Variants in SCNN1B observed in about 807,000 individuals in gnomAD.
SCNN1B encodes sodium channel epithelial 1 subunit beta, also known as epithelial sodium channel subunit beta.
A neutral mutation model predicts 65.3 loss-of-function variants in SCNN1B; 46 were observed. That is an observed-to-expected ratio of 0.70 (90% CI 0.56 to 0.90). The LOEUF (loss-of-function observed/expected upper bound fraction) is 0.90. Ranked by LOEUF, SCNN1B falls within the 40% of genes least tolerant of loss-of-function variation. The probability of loss-of-function intolerance (pLI) is 0.00; values close to 1 mark genes in which losing one functional copy is unlikely to be tolerated. For synonymous variants in SCNN1B, 349 were observed against 330.6 expected, an observed-to-expected ratio of 1.06 and a Z score of -0.60; for missense variants, 751 against 830.5, an observed-to-expected ratio of 0.90 and a Z score of 1.18.
intron 1 of SCNN1B, among the ~76,000 whole-genome samples, chr16:23,321,089 G>A (rs578170815): frequency 6.6e-6 from 1 of 152,256 alleles, no homozygotes; most frequent in East Asian, 1.9e-4. Flanking sequence ...CTGTCGCCCA[G>A]ACTGGAGTGC....
intron 2 of SCNN1B, among the ~76,000 whole-genome samples, chr16:23,284,208 C>T (rs564999766): frequency 6.6e-6 from 1 of 152,052 alleles, no homozygotes; most frequent in Non-Finnish European, 1.5e-5. Flanking sequence ...AGTTCAAGAC[C>T]AGCCTGGCCA....
chr16:23,301,071 A>G (rs987684128), upstream of SCNN1B, among the ~76,000 whole-genome samples: 1 of 151,904 alleles, frequency 6.6e-6, no homozygotes, highest in African/African-American at 2.4e-5. Context: ...TTAAAAGTAC[A>G]GAAGATTCCT....
intron 10 of SCNN1B, among the ~76,000 whole-genome samples, chr16:23,378,287 G>A (rs1259382927): frequency 2.0e-5 from 3 of 152,220 alleles, no homozygotes; most frequent in Non-Finnish European, 4.4e-5. Flanking sequence ...TGGGATTACA[G>A]GCATGAGCCA....
chr16:23,333,027 C>G (rs943777291), intron 1 of SCNN1B, among the ~76,000 whole-genome samples: 1 of 151,264 alleles, frequency 6.6e-6, no homozygotes, highest in African/African-American at 2.4e-5. Context: ...GCCAAAATCG[C>G]CCCATTGCAC....
At chr16:23,338,763 C>T (rs1049432406) in intron 1 of SCNN1B, among the ~76,000 whole-genome samples, 4 of 152,126 alleles carry the variant, frequency 2.6e-5, no homozygotes, top group African/African-American at 7.2e-5. Flanking sequence ...CGGGGACAAC[C>T]GTCACATCTT....
upstream of SCNN1B, among the ~76,000 whole-genome samples, chr16:23,298,406 C>T (rs1961027241): frequency 1.3e-5 from 2 of 152,180 alleles, no homozygotes; most frequent in Admixed American, 6.5e-5. Flanking sequence ...GCCAGAGCAG[C>T]CTAGCAGTCA....
intron 1 of SCNN1B, among the ~76,000 whole-genome samples, chr16:23,340,255 T>G (rs987957662): frequency 1.3e-5 from 2 of 152,240 alleles, no homozygotes; most frequent in African/African-American, 4.8e-5. Context: ...CTCTCTCATT[T>G]TCTCAACCAT....
At chr16:23,335,770 A>G (rs1251909727) in intron 1 of SCNN1B, among the ~76,000 whole-genome samples, 1 of 151,904 alleles carries the variant, frequency 6.6e-6, no homozygotes, top group East Asian at 1.9e-4. Context: ...TTTAACATAA[A>G]TGCATGTGTG....
chr16:23,328,092 A>C (rs934859058), intron 1 of SCNN1B, among the ~76,000 whole-genome samples: 1 of 152,190 alleles, frequency 6.6e-6, no homozygotes, highest in African/African-American at 2.4e-5. Context: ...TTAAGTCACA[A>C]GTGGGAAGGT....
chr16:23,337,539 G>T (rs150562780), intron 1 of SCNN1B, among the ~76,000 whole-genome samples: 8 of 151,546 alleles, frequency 5.3e-5, no homozygotes, highest in Non-Finnish European at 8.8e-5. Context: ...CACCATGCCC[G>T]GCTAATTTTT....
At chr16:23,286,794 G>A (rs1960856785) in intron 2 of SCNN1B, among the ~76,000 whole-genome samples, 1 of 152,070 alleles carries the variant, frequency 6.6e-6, no homozygotes, top group Non-Finnish European at 1.5e-5. Flanking sequence ...CTTAAGAGAT[G>A]GAATCAAGCC....
At chr16:23,351,716 G>A (rs187134251) in intron 2 of SCNN1B, among the ~76,000 whole-genome samples, 102 of 152,270 alleles carry the variant, frequency 6.7e-4, no homozygotes, top group African/African-American at 2.0e-3. Context: ...TGCAGGGCCC[G>A]GCCCCGCAGA....
In SCNN1B at chr16:23,333,123, GAGGGAGGGAGGGAGGA is replaced by G. The variant is rs1226195717; in HGVS notation, c.-8-15465_-8-15450del. On this transcript the variant is annotated intron_variant, in intron 1 of 12. Transcript: ENST00000343070. The stretch of plus-strand genomic sequence containing the variant: ...GAAGGAAGGAAGGGAGGGAGGGAGG[GAGGGAGGGAGGGAGGA>G]AGGAAGGAAAGAAGGAAGGAAGGAA... 1.5e-4 allele frequency among the ~76,000 whole-genome samples: 16 copies of G among 104,600 alleles called. 1 individual carries two copies. Among genetic ancestry groups the G allele is most frequent in the Middle Eastern group, 4.9e-3 (1 of 206 alleles). 68.6% of individuals were successfully genotyped at this position (104,600 alleles called of 152,430 possible).
Position 23,380,163 on chromosome 16 carries a change from C to T in SCNN1B, c.1536C>T (p.Ala512=), listed in dbSNP as rs777430260. 5.6e-5 allele frequency: 91 copies of T among 1,613,604 alleles called. No individual in the cohort carries two copies. The highest frequency in any genetic ancestry group is 7.1e-5 in the Non-Finnish European group (84 of 1,179,666). The change falls in exon 12 of 13, where the codon GCC becomes GCT. Residue 512 remains alanine (A), a synonymous_variant. Transcript: ENST00000343070. This position sits in a 1 kb window ranked among gnomAD's most constrained non-coding sequence, Gnocchi z 5.4. The stretch of plus-strand genomic sequence containing the variant: ...ATCGCACCATTGAAGAATCAGCAGC[C>T]AATAACGTGAGTTTAGGAGTCTCCC... The part of the protein sequence containing the change: ...FNYRTIEESA[A]NNIVWLLSNL...
chr16:23,323,945 CT>C (rs1440978022), intron 1 of SCNN1B, among the ~76,000 whole-genome samples: 5 of 152,184 alleles, frequency 3.3e-5, no homozygotes, highest in African/African-American at 4.8e-5. Context: ...ATCCTTCTTT[CT>C]CCCTAATGAA....
At chr16:23,336,252 C>T (rs977309013) in intron 1 of SCNN1B, among the ~76,000 whole-genome samples, 6 of 152,156 alleles carry the variant, frequency 3.9e-5, no homozygotes, top group African/African-American at 7.2e-5. Context: ...CTTAAAAGGA[C>T]GGCATGAAGC....
chr16:23,375,189 G>A (rs1415830430), intron 7 of SCNN1B, among the ~76,000 whole-genome samples: 1 of 152,140 alleles, frequency 6.6e-6, no homozygotes, highest in East Asian at 1.9e-4. Flanking sequence ...CCCACCAGGA[G>A]ACATTCTGCA....
intron 4 of SCNN1B, among the ~76,000 whole-genome samples, chr16:23,366,148 G>A (rs1471108470): frequency 6.6e-6 from 1 of 152,154 alleles, no homozygotes; most frequent in Non-Finnish European, 1.5e-5. Flanking sequence ...TTATGTGTGT[G>A]CATTATTTGA....
chr16:23,378,067 G>A (rs556619146), intron 10 of SCNN1B, among the ~76,000 whole-genome samples: 2 of 152,264 alleles, frequency 1.3e-5, no homozygotes, highest in Non-Finnish European at 2.9e-5. Flanking sequence ...GGAGTGCAGT[G>A]GTACGATCAC....
Sources: gnomAD v4.1 joint callset for allele counts (sites outside exome capture counted in the v4.1 genomes callset) on GRCh38, gnomAD v4.1.1 for gene constraint, Gnocchi (gnomAD v3.1) non-coding constraint, MANE v1.5 for transcripts, NCBI Gene and HGNC (gene_info 2026-07-23, HGNC 2026-07-21) for gene names.